MTA3: variants seen among roughly 807,000 people sequenced by gnomAD.
MTA3 encodes the protein metastasis-associated protein MTA3.
Under a neutral mutation model 83.5 loss-of-function variants are expected in MTA3, and 34 were observed. The ratio of observed to expected loss-of-function variants is 0.41; its 90% CI spans 0.31 to 0.54. The LOEUF (loss-of-function observed/expected upper bound fraction) is 0.54. Ranked by LOEUF, MTA3 falls within the 20% of genes least tolerant of loss-of-function variation. The probability of loss-of-function intolerance (pLI) is 0.33; values close to 1 mark genes in which losing one functional copy is unlikely to be tolerated. For missense variants in MTA3, 761 were observed against 726.4 expected, an observed-to-expected ratio of 1.05 and a Z score of -0.55; for synonymous variants, 303 against 252.7, an observed-to-expected ratio of 1.20 and a Z score of -1.89.
At chr2:42,555,897 C>A (rs1021189986) in intron 2 of MTA3, among the ~76,000 whole-genome samples, 1 of 151,846 alleles carries the variant, frequency 6.6e-6, no homozygotes, top group African/African-American at 2.4e-5. Context: ...CATGGTGGAA[C>A]CCTGCCTCTA....
At chr2:42,725,347 G>A (rs2104549083) in intron 16 of MTA3, among the ~76,000 whole-genome samples, 1 of 152,324 alleles carries the variant, frequency 6.6e-6, no homozygotes, top group South Asian at 2.1e-4. Flanking sequence ...CCACTCAGAT[G>A]TGACTGATTT....
rs1558428271 is a variant in MTA3 at position 42,548,834 on chromosome 2, A to T, written c.-140-21603A>T. Among the ~76,000 whole-genome samples the T allele has an allele frequency of 7.4e-4, 8 of 10,756 alleles. 2 individuals carry two copies. The highest frequency in any genetic ancestry group is 1.9e-3 in the African/African-American group (8 of 4,292). The allele number at this position is 10,756 out of a possible 152,430, so 7.1% of individuals were successfully genotyped here. ...AAATATATATATATATATATAATATATATATATATATAATATATATATATA... is the reference window on the plus strand; with the variant it reads ...AAATATATATATATATATATAATATTTATATATATATAATATATATATATA... On this transcript the variant is annotated intron_variant, in intron 2 of 17. Transcript: ENST00000405592.
intron 2 of MTA3, among the ~76,000 whole-genome samples, chr2:42,517,464 T>TC: frequency 6.7e-6 from 1 of 149,308 alleles, no homozygotes; most frequent in East Asian, 2.0e-4. Flanking sequence ...TCCCAGCTAC[T>TC]CAGGAGGCTG....
At chr2:42,626,763 CAG>C (rs537478795) in intron 4 of MTA3, among the ~76,000 whole-genome samples, 53 of 151,896 alleles carry the variant, frequency 3.5e-4, no homozygotes, top group Middle Eastern at 3.2e-3. Context: ...TTTTTTTAGA[CAG>C]AGTCTTGCTT....
intron 4 of MTA3, among the ~76,000 whole-genome samples, chr2:42,623,527 GC>G (rs1358060381): frequency 6.6e-6 from 1 of 152,050 alleles, no homozygotes; most frequent in Non-Finnish European, 1.5e-5. Flanking sequence ...ACAACAGGTG[GC>G]CACAGCAGGG....
At chr2:42,678,039 A>G (rs1691542236) in intron 8 of MTA3, among the ~76,000 whole-genome samples, 1 of 152,234 alleles carries the variant, frequency 6.6e-6, no homozygotes, top group Non-Finnish European at 1.5e-5. Context: ...AGTACATACT[A>G]CAGCTAAACT....
At chr2:42,662,817 C>T (rs532458135) in intron 8 of MTA3, among the ~76,000 whole-genome samples, 9 of 151,710 alleles carry the variant, frequency 5.9e-5, no homozygotes, top group South Asian at 2.1e-4. Flanking sequence ...CTGCAATCTC[C>T]GCTTCCCGGG....
At chr2:42,717,127 GTTTTTTT>G (rs66521425) in intron 14 of MTA3, among the ~76,000 whole-genome samples, 2 of 64,920 alleles carry the variant, frequency 3.1e-5, no homozygotes, top group African/African-American at 5.8e-5. Context: ...TCAGAAAAGA[GTTTTTTT>G]TTTTTTTTTT....
At chr2:42,577,292 G>C (rs932106070) in intron 2 of MTA3, among the ~76,000 whole-genome samples, 1 of 151,512 alleles carries the variant, frequency 6.6e-6, no homozygotes, top group Non-Finnish European at 1.5e-5. Context: ...GAGGGGAAGA[G>C]GAATATGGTA....
chr2:42,621,415 A>G (rs370334007), intron 4 of MTA3, among the ~76,000 whole-genome samples: 1 of 152,230 alleles, frequency 6.6e-6, no homozygotes, highest in Non-Finnish European at 1.5e-5. Context: ...CTGAGTGGAC[A>G]CAGCACATGT....
intron 2 of MTA3, among the ~76,000 whole-genome samples, chr2:42,515,467 T>C (rs374356579): frequency 7.9e-5 from 12 of 152,270 alleles, no homozygotes; most frequent in African/African-American, 2.9e-4. Context: ...TATAGGCATG[T>C]GCTGCTGCAT....
At chr2:42,508,762 GTAT>G (rs1429153145) in intron 2 of MTA3, among the ~76,000 whole-genome samples, 3 of 141,578 alleles carry the variant, frequency 2.1e-5, no homozygotes, top group African/African-American at 5.5e-5. Flanking sequence ...ATATTATATA[GTAT>G]TATATAATAT....
chr2:42,533,395 A>G (rs1178258383), intron 2 of MTA3: 3 of 151,128 alleles, frequency 2.0e-5, no homozygotes, highest in African/African-American at 7.3e-5. Flanking sequence ...GGCCAACTCC[A>G]TGTTTTCTAA....
At chr2:42,638,147 AT>A (rs534596013) in intron 4 of MTA3, among the ~76,000 whole-genome samples, 5 of 151,340 alleles carry the variant, frequency 3.3e-5, no homozygotes, top group South Asian at 2.1e-4. Context: ...AAAAAGGGGG[AT>A]TTTTTTTTCT....
chr2:42,499,949 GT>G (rs1204938315), intron 2 of MTA3, among the ~76,000 whole-genome samples: 3 of 149,996 alleles, frequency 2.0e-5, no homozygotes, highest in Non-Finnish European at 4.4e-5. Flanking sequence ...TCAATAAAGT[GT>G]TTTCTTTTTT....
chr2:42,654,383 G>A (rs1316602163), intron 6 of MTA3, among the ~76,000 whole-genome samples: 1 of 152,200 alleles, frequency 6.6e-6, no homozygotes, highest in Non-Finnish European at 1.5e-5. Flanking sequence ...GCCGTTGCAA[G>A]CCTAATGTTA....
chr2:42,531,445 CT>C (rs10659582), intron 2 of MTA3, among the ~76,000 whole-genome samples: 1,730 of 75,248 alleles, frequency 0.023, 12 homozygotes, highest in African/African-American at 0.093. Context: ...GAAGCAAACT[CT>C]TTTTTTTTTT....
intron 16 of MTA3, among the ~76,000 whole-genome samples, chr2:42,738,497 C>T (rs564960790): frequency 7.3e-4 from 111 of 152,162 alleles, no homozygotes; most frequent in African/African-American, 2.6e-3. Context: ...TCCTGTCAGC[C>T]GAGGAGGATG....
intron 6 of MTA3, among the ~76,000 whole-genome samples, chr2:42,650,455 T>G (rs1370781642): frequency 6.6e-6 from 1 of 152,202 alleles, no homozygotes; most frequent in Non-Finnish European, 1.5e-5. Flanking sequence ...TTTGGTTTTT[T>G]TTGAGACGGA....
Sources: allele counts gnomAD v4.1 joint callset (sites outside exome capture counted in the v4.1 genomes callset), GRCh38; gene constraint gnomAD v4.1.1; transcripts MANE v1.5; gene names NCBI Gene and HGNC (gene_info 2026-07-23, HGNC 2026-07-21).